SPATA16: variants seen among roughly 807,000 people sequenced by gnomAD.
The protein encoded by SPATA16 is spermatogenesis associated 16, also known as spermatogenesis-associated protein 16.
In SPATA16, 36 loss-of-function variants were observed where a neutral mutation model predicts 63.3. The observed-to-expected ratio is 0.57, with a 90% CI of 0.44 to 0.75. SPATA16 has a LOEUF of 0.75. Among genes scored for constraint, SPATA16 ranks in the 30% least tolerant of loss-of-function variants. The pLI is 0.00. For synonymous variants in SPATA16, 203 were observed against 216.7 expected, an observed-to-expected ratio of 0.94 and a Z score of 0.56; for missense variants, 646 against 679.3, an observed-to-expected ratio of 0.95 and a Z score of 0.54.
intron 4 of SPATA16, among the ~76,000 whole-genome samples, chr3:172,996,100 A>C (rs1734687029): frequency 6.6e-6 from 1 of 152,054 alleles, no homozygotes; most frequent in Non-Finnish European, 1.5e-5. Flanking sequence ...TATTACATAG[A>C]ATGTCTTTCA....
chr3:173,075,514 G>A (rs1279113685), intron 2 of SPATA16, among the ~76,000 whole-genome samples: 2 of 152,096 alleles, frequency 1.3e-5, no homozygotes, highest in East Asian at 3.8e-4. Context: ...GCCAAGATAT[G>A]GAATCAATCT....
chr3:172,918,448 A>G (rs1732545690), intron 8 of SPATA16, among the ~76,000 whole-genome samples: 1 of 152,182 alleles, frequency 6.6e-6, no homozygotes, highest in South Asian at 2.1e-4. Context: ...GATAACAGGG[A>G]AAGAATACAG....
At chr3:172,924,840 A>T (rs890177614) in intron 7 of SPATA16, among the ~76,000 whole-genome samples, 3 of 152,208 alleles carry the variant, frequency 2.0e-5, no homozygotes, top group Admixed American at 2.0e-4. Flanking sequence ...TTTCAACTCC[A>T]TGTGAATATT....
At chr3:173,099,847 C>T (rs1411012453) in intron 2 of SPATA16, among the ~76,000 whole-genome samples, 2 of 152,152 alleles carry the variant, frequency 1.3e-5, no homozygotes, top group Non-Finnish European at 2.9e-5. Context: ...CCATCACAGG[C>T]ACCTACGCCC....
At chr3:173,008,852 A>T (rs1429481557) in intron 4 of SPATA16, among the ~76,000 whole-genome samples, 1 of 152,208 alleles carries the variant, frequency 6.6e-6, no homozygotes, top group Non-Finnish European at 1.5e-5. Context: ...AAAATTCTCT[A>T]AAATTAAAAA....
chr3:173,002,085 T>C (rs1395176825), intron 4 of SPATA16, among the ~76,000 whole-genome samples: 4 of 152,224 alleles, frequency 2.6e-5, no homozygotes, highest in Non-Finnish European at 5.9e-5. Context: ...TAGATATTCA[T>C]TTAATTCTAG....
chr3:172,952,125 G>A (rs997107513), intron 6 of SPATA16, among the ~76,000 whole-genome samples: 2 of 152,262 alleles, frequency 1.3e-5, no homozygotes, highest in East Asian at 1.9e-4. Flanking sequence ...GTAGCTGTCT[G>A]TGGAGGGGGG....
At chr3:172,993,421 GT>G (rs1734627002) in intron 4 of SPATA16, among the ~76,000 whole-genome samples, 1 of 152,024 alleles carries the variant, frequency 6.6e-6, no homozygotes. Context: ...CAAGTGGGTG[GT>G]CCTCTAAGCC....
chr3:172,905,369 G>A (rs894798048), intron 10 of SPATA16, among the ~76,000 whole-genome samples: 3 of 152,140 alleles, frequency 2.0e-5, no homozygotes, highest in African/African-American at 7.2e-5. Context: ...CCACATATTA[G>A]CCCAAATGAC....
At chr3:172,901,364 T>A (rs980874453) in intron 10 of SPATA16, among the ~76,000 whole-genome samples, 2 of 152,160 alleles carry the variant, frequency 1.3e-5, no homozygotes, top group Admixed American at 1.3e-4. Context: ...CATGCCTTGC[T>A]AATTTTTGTA....
intron 2 of SPATA16, among the ~76,000 whole-genome samples, chr3:173,058,418 C>T (rs577071430): frequency 6.6e-6 from 1 of 152,112 alleles, no homozygotes; most frequent in South Asian, 2.1e-4. Context: ...TGTATGCTTA[C>T]ATATTGGAGT....
chr3:173,037,082 T>C (rs544646843), intron 3 of SPATA16, among the ~76,000 whole-genome samples: 1 of 152,024 alleles, frequency 6.6e-6, no homozygotes, highest in Non-Finnish European at 1.5e-5. Flanking sequence ...GGTAAAATCC[T>C]CAAAGTTTGA....
intron 2 of SPATA16, among the ~76,000 whole-genome samples, chr3:173,106,464 A>G (rs1005034817): frequency 2.0e-5 from 3 of 152,206 alleles, no homozygotes; most frequent in Admixed American, 6.5e-5. Flanking sequence ...TTGAAATCCA[A>G]TGCTTCCCTG....
At chr3:173,046,453 T>G (rs1254844015) in intron 3 of SPATA16, among the ~76,000 whole-genome samples, 1 of 152,012 alleles carries the variant, frequency 6.6e-6, no homozygotes, top group Non-Finnish European at 1.5e-5. Context: ...TGTAGTCTTC[T>G]CTATGACAAA....
chr3:172,919,568 T>C (rs1732573225), intron 8 of SPATA16, among the ~76,000 whole-genome samples: 1 of 152,242 alleles, frequency 6.6e-6, no homozygotes, highest in Non-Finnish European at 1.5e-5. Flanking sequence ...ACCGACTGTA[T>C]TCACCACCTC....
chr3:172,906,553 C>T (rs964668783), intron 10 of SPATA16, among the ~76,000 whole-genome samples: 2 of 135,852 alleles, frequency 1.5e-5, no homozygotes, highest in African/African-American at 5.3e-5. Context: ...ATTCCCCACT[C>T]GGCCTCACAC....
chr3:173,034,093 G>C (rs1038669827), intron 3 of SPATA16, among the ~76,000 whole-genome samples: 1 of 152,166 alleles, frequency 6.6e-6, no homozygotes, highest in African/African-American at 2.4e-5. Context: ...TGATTCATTC[G>C]GCAATAATTT....
At chr3:172,937,287 T>G (rs534529512) in intron 6 of SPATA16, among the ~76,000 whole-genome samples, 2 of 152,232 alleles carry the variant, frequency 1.3e-5, no homozygotes, top group Non-Finnish European at 2.9e-5. Context: ...CTTTGATTGG[T>G]TATTCATGGT....
chr3:172,979,562 C>G (rs1334551943), intron 4 of SPATA16, among the ~76,000 whole-genome samples: 2 of 152,144 alleles, frequency 1.3e-5, no homozygotes, highest in Non-Finnish European at 1.5e-5. Flanking sequence ...TAAGGCTTTC[C>G]TGATTTTTTA....
Sources: gnomAD v4.1 joint callset for allele counts (sites outside exome capture counted in the v4.1 genomes callset) on GRCh38, gnomAD v4.1.1 for gene constraint, MANE v1.5 for transcripts, NCBI Gene and HGNC (gene_info 2026-07-23, HGNC 2026-07-21) for gene names.